EYS: variants seen among roughly 807,000 people sequenced by gnomAD.
EYS encodes the protein protein eyes shut homolog.
A neutral mutation model predicts 282.1 loss-of-function variants in EYS; 250 were observed. The observed-to-expected ratio is 0.89, with a 90% confidence interval of 0.80 to 0.98. EYS has a LOEUF of 0.98. EYS is among the 50% of genes least tolerant of loss of function. The pLI, the probability that EYS is intolerant of heterozygous loss-of-function variation, is 0.00. For missense variants in EYS, 4,016 were observed against 3,709.0 expected, an observed-to-expected ratio of 1.08 and a Z score of -2.15; for synonymous variants, 1,355 against 1,282.9, an observed-to-expected ratio of 1.06 and a Z score of -1.20.
chr6:64,474,801 C>T (rs911804867), intron 26 of EYS, among the ~76,000 whole-genome samples: 5 of 152,152 alleles, frequency 3.3e-5, no homozygotes, highest in Non-Finnish European at 7.4e-5. Context: ...ACCTGAGAGG[C>T]TTTGGGTAAT....
At chr6:65,227,573 G>A (rs1441846906) in intron 12 of EYS, among the ~76,000 whole-genome samples, 1 of 152,012 alleles carries the variant, frequency 6.6e-6, no homozygotes, top group African/African-American at 2.4e-5. Flanking sequence ...CTACTTCTAG[G>A]TATAAATAAA....
rs200294820 is a variant in EYS, at chr6:64,230,477, C to T, written c.6424+115G>A. The stretch of plus-strand genomic sequence containing the variant: ...TTCATTTTTAAATAAAATTATACAG[C>T]TGTTTCTTGTTTGTGCTAGTACCCA... On this transcript the variant is annotated intron_variant, in intron 31 of 42. Coordinates refer to ENST00000503581, the MANE Select transcript of EYS (RefSeq NM_001142800.2). The T allele has an allele frequency of 3.6e-5, 20 of 555,130 alleles. No homozygotes were observed. In the East Asian group the frequency reaches 5.9e-4, roughly 16 times the overall value. The allele number at this position is 555,130 out of a possible 1,614,324, so 34.4% of individuals were successfully genotyped here. A position where few individuals can be genotyped will look rare whatever the true frequency, so the allele number is the denominator to read the frequency against.
intron 19 of EYS, among the ~76,000 whole-genome samples, chr6:64,847,378 A>C (rs182964335): frequency 1.9e-4 from 29 of 152,212 alleles, no homozygotes; most frequent in Admixed American, 4.6e-4. Context: ...GATTTACAAA[A>C]ATCCTAGTGA....
intron 28 of EYS, among the ~76,000 whole-genome samples, chr6:64,404,627 G>A (rs1773649637): frequency 2.6e-5 from 4 of 152,170 alleles, no homozygotes; most frequent in African/African-American, 9.7e-5. Flanking sequence ...TCCTTCTTTT[G>A]TAATTCAAAT....
chr6:64,625,911 T>A (rs1486367202), intron 23 of EYS, among the ~76,000 whole-genome samples: 1 of 152,204 alleles, frequency 6.6e-6, no homozygotes, highest in Non-Finnish European at 1.5e-5. Flanking sequence ...GATTTCCTGA[T>A]GAAAGCCTAA....
chr6:65,250,320 T>G (rs1340764979), intron 12 of EYS, among the ~76,000 whole-genome samples: 1 of 151,974 alleles, frequency 6.6e-6, no homozygotes, highest in Non-Finnish European at 1.5e-5. Context: ...CTATTTAAGT[T>G]CATTTGGCTA....
chr6:64,645,559 A>C (rs1768319492), intron 22 of EYS, among the ~76,000 whole-genome samples: 1 of 152,236 alleles, frequency 6.6e-6, no homozygotes, highest in Non-Finnish European at 1.5e-5. Flanking sequence ...AAGATCACTG[A>C]GAATTAGATA....
intron 29 of EYS, among the ~76,000 whole-genome samples, chr6:64,315,154 C>T (rs75464584): frequency 3.3e-5 from 5 of 152,148 alleles, no homozygotes; most frequent in African/African-American, 1.2e-4. Flanking sequence ...CACCTCTACA[C>T]AAATAAACTA....
intron 1 of EYS, among the ~76,000 whole-genome samples, chr6:65,654,671 C>G (rs1288089610): frequency 6.6e-6 from 1 of 151,670 alleles, no homozygotes; most frequent in Non-Finnish European, 1.5e-5. Flanking sequence ...AAAAAGGTCA[C>G]TCACTTCTGT....
chr6:65,269,724 C>T (rs887351929), intron 12 of EYS, among the ~76,000 whole-genome samples: 2 of 152,078 alleles, frequency 1.3e-5, no homozygotes, highest in Non-Finnish European at 2.9e-5. Context: ...GGTCCTCTTC[C>T]TCTTCCAAGT....
chr6:64,137,142 T>G (rs1774187682), intron 31 of EYS, among the ~76,000 whole-genome samples: 1 of 152,162 alleles, frequency 6.6e-6, no homozygotes, highest in African/African-American at 2.4e-5. Flanking sequence ...TTCTTAAACC[T>G]CATGAACCAA....
intron 12 of EYS, among the ~76,000 whole-genome samples, chr6:65,235,690 A>T (rs1234819776): frequency 1.3e-5 from 2 of 152,180 alleles, no homozygotes; most frequent in Non-Finnish European, 2.9e-5. Context: ...TGATTCTGGT[A>T]ATTTACATTC....
intron 24 of EYS, among the ~76,000 whole-genome samples, chr6:64,602,339 G>A (rs962316032): frequency 7.9e-5 from 12 of 151,988 alleles, no homozygotes; most frequent in African/African-American, 2.4e-4. Flanking sequence ...CCCATAACTC[G>A]TTTAATTAAA....
intron 14 of EYS, among the ~76,000 whole-genome samples, chr6:64,950,832 T>TATATATATATATATATATATATAA (rs1310289103): frequency 6.8e-5 from 7 of 103,082 alleles, no homozygotes; most frequent in East Asian, 3.0e-4. Context: ...TATATATATA[T>TATATATATATATATATATATATAA]ATTGTTGAAT....
At chr6:64,204,401 A>G (rs1458004270) in intron 31 of EYS, among the ~76,000 whole-genome samples, 1 of 152,172 alleles carries the variant, frequency 6.6e-6, no homozygotes, top group African/African-American at 2.4e-5. Context: ...TCCCCAAAAG[A>G]CTTTTCCAGA....
intron 30 of EYS, among the ~76,000 whole-genome samples, chr6:64,249,384 G>A (rs747028077): frequency 2.0e-5 from 3 of 152,132 alleles, no homozygotes; most frequent in South Asian, 4.1e-4. Context: ...TTGGAAGAGT[G>A]AGGAAGTTGG....
At chr6:64,471,932 T>G (rs1226190185) in intron 26 of EYS, among the ~76,000 whole-genome samples, 2 of 152,060 alleles carry the variant, frequency 1.3e-5, no homozygotes, top group Non-Finnish European at 2.9e-5. Flanking sequence ...AACAACTTAT[T>G]TTATATTTCA....
At chr6:64,454,843 A>T (rs1253665949) in intron 26 of EYS, among the ~76,000 whole-genome samples, 1 of 152,130 alleles carries the variant, frequency 6.6e-6, no homozygotes, top group African/African-American at 2.4e-5. Flanking sequence ...TTGTATGTGG[A>T]TACGGTAGAT....
chr6:64,161,035 TAAGA>T (rs1206752087), intron 31 of EYS, among the ~76,000 whole-genome samples: 1 of 152,198 alleles, frequency 6.6e-6, no homozygotes, highest in African/African-American at 2.4e-5. Flanking sequence ...AAAATCTGTA[TAAGA>T]GAGACTCATT....
Sources: allele counts gnomAD v4.1 joint callset (sites outside exome capture counted in the v4.1 genomes callset), GRCh38; gene constraint gnomAD v4.1.1; transcripts MANE v1.5; gene names NCBI Gene and HGNC (gene_info 2026-07-23, HGNC 2026-07-21).